ADCY8: variants seen among roughly 807,000 people sequenced by gnomAD.
The protein encoded by ADCY8 is adenylate cyclase type 8.
In ADCY8, 51 loss-of-function variants were observed where a neutral mutation model predicts 119.7. The ratio of observed to expected loss-of-function variants is 0.43; its 90% CI spans 0.34 to 0.54. The LOEUF is 0.54. Ranked by LOEUF, ADCY8 falls within the 20% of genes least tolerant of loss-of-function variation. The pLI is 0.03. For synonymous variants in ADCY8, 665 were observed against 651.0 expected, an observed-to-expected ratio of 1.02 and a Z score of -0.33; for missense variants, 1,383 against 1,598.8, an observed-to-expected ratio of 0.87 and a Z score of 2.30.
chr8:130,841,486 C>G (rs1342383222), intron 11 of ADCY8, among the ~76,000 whole-genome samples: 6 of 152,188 alleles, frequency 3.9e-5, no homozygotes, highest in Non-Finnish European at 8.8e-5. Flanking sequence ...AGTTTACAAA[C>G]TAAATCATGC....
intron 1 of ADCY8, among the ~76,000 whole-genome samples, chr8:131,017,404 C>T (rs1823513944): frequency 6.6e-6 from 1 of 152,182 alleles, no homozygotes; most frequent in Admixed American, 6.5e-5. Flanking sequence ...GAGCAGGCAG[C>T]AGTCGGAGCT....
chr8:130,920,589 C>T (rs1820271704), intron 5 of ADCY8, among the ~76,000 whole-genome samples: 2 of 152,194 alleles, frequency 1.3e-5, no homozygotes, highest in African/African-American at 2.4e-5. Flanking sequence ...GACTCATCTC[C>T]ATATATTCTA....
intron 2 of ADCY8, among the ~76,000 whole-genome samples, chr8:130,983,747 C>T (rs949195649): frequency 6.6e-6 from 1 of 152,098 alleles, no homozygotes; most frequent in African/African-American, 2.4e-5. Context: ...GAAGATGATC[C>T]TGACAGGTGT....
At chr8:130,916,227 T>C (rs1225277866) in intron 5 of ADCY8, among the ~76,000 whole-genome samples, 1 of 152,170 alleles carries the variant, frequency 6.6e-6, no homozygotes, top group Non-Finnish European at 1.5e-5. Context: ...CAAAAGGAAG[T>C]ATGTGGACTA....
intron 5 of ADCY8, among the ~76,000 whole-genome samples, chr8:130,910,276 C>CCT (rs1819940654): frequency 6.6e-6 from 1 of 152,154 alleles, no homozygotes; most frequent in African/African-American, 2.4e-5. Context: ...TGCTCTGTAA[C>CCT]CTCTGTCTTA....
At chr8:130,908,360 C>T (rs964558503) in intron 6 of ADCY8, among the ~76,000 whole-genome samples, 1 of 152,136 alleles carries the variant, frequency 6.6e-6, no homozygotes, top group Admixed American at 6.5e-5. Context: ...TGGGAAAATC[C>T]TAAAGAATGG....
intron 13 of ADCY8, among the ~76,000 whole-genome samples, chr8:130,820,038 A>C (rs1038251466): frequency 6.6e-6 from 1 of 152,202 alleles, no homozygotes; most frequent in Non-Finnish European, 1.5e-5. Context: ...CATCGTCCAT[A>C]AAACAGGAGT....
chr8:130,845,060 T>C (rs938442663), intron 11 of ADCY8, among the ~76,000 whole-genome samples: 2 of 152,206 alleles, frequency 1.3e-5, no homozygotes, highest in African/African-American at 4.8e-5. Context: ...AAACACTTTA[T>C]ATGGATTAAT....
Position 130,937,247 on chromosome 8 carries a change from T to A in ADCY8, c.1354-47A>T, listed in dbSNP as rs1586587213. The A allele has an allele frequency of 1.9e-6, 3 of 1,577,756 alleles. No individual in the cohort carries two copies. The East Asian group carries it at 6.8e-5, about 36-fold the overall frequency. On this transcript the variant is annotated intron_variant, in intron 4 of 17. Transcript: ENST00000286355. Reference sequence around the variant, plus strand: ...GGAAAGGTCTATGTCAGCAGAAGGATCAGTTCTTCAGAAAGGCTTGAGAAA... The same window carrying A: ...GGAAAGGTCTATGTCAGCAGAAGGAACAGTTCTTCAGAAAGGCTTGAGAAA...
At chr8:130,950,539 A>T (rs1192972187) in intron 3 of ADCY8, among the ~76,000 whole-genome samples, 3 of 152,186 alleles carry the variant, frequency 2.0e-5, no homozygotes, top group African/African-American at 7.2e-5. Context: ...TGGACTGGTC[A>T]GAGACAGTGG....
chr8:130,839,624 T>C (rs1253320637), intron 11 of ADCY8, among the ~76,000 whole-genome samples: 1 of 140,406 alleles, frequency 7.1e-6, no homozygotes, highest in Non-Finnish European at 1.6e-5. Flanking sequence ...TCCTGTAACT[T>C]GGGAAGAAAC....
Position 130,785,321 on chromosome 8 carries a change from C to T in ADCY8, c.3153+62G>A, listed in dbSNP as rs541473738. The stretch of plus-strand genomic sequence containing the variant: ...TTGGTGACAGAGGCTTCACCACCGT[C>T]GGTGACATGACAACAGCAAGACCCC... On this transcript the variant is annotated intron_variant, in intron 16 of 17. Coordinates refer to ENST00000286355, the MANE Select transcript of ADCY8 (RefSeq NM_001115.3). 3.6e-5 allele frequency: 42 copies of T among 1,179,646 alleles called. No homozygotes were observed. The South Asian group carries it at 4.8e-4, about 13-fold the overall frequency. 73.1% of individuals were successfully genotyped at this position (1,179,646 alleles called of 1,614,324 possible). A position where few individuals can be genotyped will look rare whatever the true frequency, so the allele number is the denominator to read the frequency against.
intron 5 of ADCY8, among the ~76,000 whole-genome samples, chr8:130,911,682 T>C (rs1819986026): frequency 6.6e-6 from 1 of 151,028 alleles, no homozygotes; most frequent in Non-Finnish European, 1.5e-5. Flanking sequence ...CTTTAAAGTA[T>C]TTTTATTTTC....
At chr8:130,972,122 G>A (rs1233119667) in intron 2 of ADCY8, among the ~76,000 whole-genome samples, 2 of 152,138 alleles carry the variant, frequency 1.3e-5, no homozygotes, top group South Asian at 4.1e-4. Context: ...TTACAAGGAG[G>A]AGGGAATACA....
chr8:130,811,566 G>A (rs1816167861), intron 14 of ADCY8, among the ~76,000 whole-genome samples: 1 of 152,086 alleles, frequency 6.6e-6, no homozygotes, highest in Non-Finnish European at 1.5e-5. Context: ...TGGAAGAGCG[G>A]TATTATCCCT....
At chr8:130,963,672 A>C (rs912759706) in intron 2 of ADCY8, among the ~76,000 whole-genome samples, 2 of 152,134 alleles carry the variant, frequency 1.3e-5, no homozygotes, top group Admixed American at 6.5e-5. Flanking sequence ...AGTTTGATGA[A>C]TACTACAACA....
At chr8:130,797,235 C>CCCATTTAAAACATTATGA (rs968609141) in intron 15 of ADCY8, among the ~76,000 whole-genome samples, 1 of 151,528 alleles carries the variant, frequency 6.6e-6, no homozygotes, top group Admixed American at 6.6e-5. Context: ...CTTTTTTTTG[C>CCCATTTAAAACATTATGA]GAATTTTTTT....
At chr8:130,935,933 C>A (rs1055300548) in intron 5 of ADCY8, among the ~76,000 whole-genome samples, 1 of 152,120 alleles carries the variant, frequency 6.6e-6, no homozygotes. Context: ...CTGATTCCAC[C>A]TTTAAAATCT....
intron 1 of ADCY8, among the ~76,000 whole-genome samples, chr8:131,019,317 A>G (rs1273511393): frequency 1.3e-5 from 2 of 152,240 alleles, no homozygotes; most frequent in Non-Finnish European, 2.9e-5. Flanking sequence ...ATCTATTTAA[A>G]GGCTGTGGAA....
Sources: allele counts gnomAD v4.1 joint callset (sites outside exome capture counted in the v4.1 genomes callset), GRCh38; gene constraint gnomAD v4.1.1; transcripts MANE v1.5; gene names NCBI Gene and HGNC (gene_info 2026-07-23, HGNC 2026-07-21).